MTUS2: variants seen among roughly 807,000 people sequenced by gnomAD.
MTUS2 encodes the protein microtubule-associated tumor suppressor candidate 2.
A neutral mutation model predicts 114.1 loss-of-function variants in MTUS2; 40 were observed. That is an observed-to-expected ratio of 0.35 (90% CI 0.27 to 0.46). The LOEUF is 0.46. Ranked by LOEUF, MTUS2 falls within the 20% of genes least tolerant of loss-of-function variation. MTUS2 has a pLI of 1.00. For synonymous variants in MTUS2, 688 were observed against 672.0 expected (o/e 1.02, Z -0.37); for missense variants, 1,679 against 1,705.4 (o/e 0.98, Z 0.27).
At chr13:29,404,543 C>T (rs1874611070) in intron 8 of MTUS2, among the ~76,000 whole-genome samples, 2 of 152,052 alleles carry the variant, frequency 1.3e-5, no homozygotes, top group Admixed American at 1.3e-4. Context: ...TAACCTCATC[C>T]CTCTCCACAG....
chr13:28,823,599 C>A (rs1366860160), intron 1 of MTUS2, among the ~76,000 whole-genome samples: 1 of 152,230 alleles, frequency 6.6e-6, no homozygotes, highest in African/African-American at 2.4e-5. Flanking sequence ...CCTGAGCCCT[C>A]TTCTCAACTG....
At chr13:29,477,056 C>T (rs1880756181) in intron 9 of MTUS2, 1 of 152,200 alleles carries the variant, frequency 6.6e-6, no homozygotes, top group Non-Finnish European at 1.5e-5. Context: ...GAGGAAAGAG[C>T]ACTTTGCAGA....
In MTUS2 at chr13:29,504,646, G is replaced by A. The variant is rs1366236168; in HGVS notation, c.*1440G>A. ...GAATTAGGATATGAACAGTACTCAT[G>A]TAGTGGTGTGGAAGATTAGGAGCAT... On this transcript the variant is annotated 3_prime_UTR_variant, in exon 16 of 16. Transcript: ENST00000612955. 3 of 233,128 alleles carry A rather than the reference G, an allele frequency of 1.3e-5. No homozygotes were observed. The highest frequency in any genetic ancestry group is 5.6e-5 in the Admixed American group (1 of 17,786). The allele number at this position is 233,128 out of a possible 1,614,324, so 14.4% of individuals were successfully genotyped here.
chr13:29,157,530 TAAAG>T (rs1892912226), intron 5 of MTUS2, among the ~76,000 whole-genome samples: 1 of 152,120 alleles, frequency 6.6e-6, no homozygotes, highest in South Asian at 2.1e-4. Context: ...ATACCTAACA[TAAAG>T]AAATGGAAAG....
At chr13:28,857,097 C>A (rs1169415351) in intron 2 of MTUS2, among the ~76,000 whole-genome samples, 1 of 152,188 alleles carries the variant, frequency 6.6e-6, no homozygotes, top group Non-Finnish European at 1.5e-5. Context: ...AAGGGAAGAC[C>A]TCGGCATTGA....
intron 2 of MTUS2, among the ~76,000 whole-genome samples, chr13:28,996,776 G>T (rs1481461542): frequency 1.3e-5 from 2 of 152,062 alleles, no homozygotes; most frequent in African/African-American, 4.8e-5. Flanking sequence ...GCGTCTATTT[G>T]ATTCTTTTCT....
rs111250059 is a variant in MTUS2, at chr13:28,992,078, G to T, written c.-242-32379G>T. Among the ~76,000 whole-genome samples the T allele has an allele frequency of 2.4e-3, 366 of 152,220 alleles. 2 individuals are homozygous for T. The highest frequency in any genetic ancestry group is 8.3e-3 in the African/African-American group (345 of 41,550). On this transcript the variant is annotated intron_variant, in intron 2 of 15. Coordinates refer to ENST00000612955, the MANE Select transcript of MTUS2 (RefSeq NM_001033602.4). ...GTGGGCCTGGGAAATTTACTTTGGG[G>T]GACTCTCTCAATCTCCCTTCTCTTC...
chr13:29,367,325 G>A (rs9579358), intron 8 of MTUS2, among the ~76,000 whole-genome samples: 32,975 of 151,942 alleles, frequency 0.22, 3,627 homozygotes, highest in Middle Eastern at 0.25. Context: ...GGAGAGGGCA[G>A]GACCACTCTG....
At chr13:28,956,405 C>T (rs1408765615) in intron 2 of MTUS2, among the ~76,000 whole-genome samples, 1 of 152,162 alleles carries the variant, frequency 6.6e-6, no homozygotes, top group Admixed American at 6.5e-5. Context: ...ACCCAGTGCT[C>T]CTTCTGGTCT....
At chr13:29,337,341 G>A (rs1355371140) in intron 7 of MTUS2, among the ~76,000 whole-genome samples, 1 of 152,120 alleles carries the variant, frequency 6.6e-6, no homozygotes, top group African/African-American at 2.4e-5. Context: ...GCAGTTTCTG[G>A]CCCAAATGCA....
At chr13:28,862,971 A>G (rs73454626) in intron 2 of MTUS2, among the ~76,000 whole-genome samples, 1,526 of 152,306 alleles carry the variant, frequency 0.01, 26 homozygotes, top group African/African-American at 0.035. Context: ...TTATATTTTC[A>G]GACATTATAT....
intron 1 of MTUS2, among the ~76,000 whole-genome samples, chr13:28,823,787 A>G (rs372266719): frequency 6.6e-6 from 1 of 152,230 alleles, no homozygotes; most frequent in African/African-American, 2.4e-5. Context: ...TAATTGACTC[A>G]TATAGTTCAG....
At chr13:29,392,719 A>G (rs1172716497) in intron 8 of MTUS2, among the ~76,000 whole-genome samples, 1 of 152,206 alleles carries the variant, frequency 6.6e-6, no homozygotes, top group Admixed American at 6.5e-5. Flanking sequence ...AGAGAGAAAG[A>G]ACAAGGGTGA....
chr13:29,420,469 G>T (rs1022256715), intron 8 of MTUS2, among the ~76,000 whole-genome samples: 1 of 151,922 alleles, frequency 6.6e-6, no homozygotes, highest in Non-Finnish European at 1.5e-5. Context: ...GTAGAGAGAG[G>T]GTTTCACCAT....
At chr13:29,185,991 G>C (rs2139176205) in intron 5 of MTUS2, among the ~76,000 whole-genome samples, 1 of 152,274 alleles carries the variant, frequency 6.6e-6, no homozygotes, top group Admixed American at 6.5e-5. Context: ...AGAATCACTT[G>C]AGCACAGGAG....
At chr13:28,859,997 GAGGGA>G (rs2138061757) in intron 2 of MTUS2, among the ~76,000 whole-genome samples, 1 of 152,278 alleles carries the variant, frequency 6.6e-6, no homozygotes, top group African/African-American at 2.4e-5. Context: ...GTGTTGAAAG[GAGGGA>G]TTGATTTATA....
At chr13:28,950,290 G>C (rs1882743909) in intron 2 of MTUS2, among the ~76,000 whole-genome samples, 1 of 152,084 alleles carries the variant, frequency 6.6e-6, no homozygotes, top group Admixed American at 6.5e-5. Flanking sequence ...TTTTAATCAG[G>C]TTATTTGTTT....
intron 2 of MTUS2, among the ~76,000 whole-genome samples, chr13:29,020,380 T>C (rs1886243020): frequency 6.6e-6 from 1 of 152,204 alleles, no homozygotes; most frequent in Admixed American, 6.5e-5. Flanking sequence ...TCTGTGATCA[T>C]GTTATATATT....
chr13:28,940,678 A>G (rs545327762), intron 2 of MTUS2, among the ~76,000 whole-genome samples: 4 of 152,290 alleles, frequency 2.6e-5, no homozygotes, highest in Admixed American at 2.6e-4. Context: ...TTCAATAGTG[A>G]GTTTAAGTAC....
Sources: gnomAD v4.1 joint callset for allele counts (sites outside exome capture counted in the v4.1 genomes callset) on GRCh38, gnomAD v4.1.1 for gene constraint, MANE v1.5 for transcripts, NCBI Gene and HGNC (gene_info 2026-07-23, HGNC 2026-07-21) for gene names.